The following SNX29 variants were observed in gnomAD, a reference collection of about 807,000 sequenced individuals.
SNX29 encodes the protein sorting nexin-29.
SNX29 carries 78 observed loss-of-function variants against 102.1 expected under a neutral mutation model. That is an observed-to-expected ratio of 0.76 (90% CI 0.64 to 0.92). SNX29 has a LOEUF of 0.92. Among genes scored for constraint, SNX29 ranks in the 40% least tolerant of loss-of-function variants. SNX29 has a pLI of 0.00. For missense variants in SNX29, 1,280 were observed against 1,061.7 expected (o/e 1.21, Z -2.86); for synonymous variants, 580 against 414.5 (o/e 1.40, Z -4.85).
At chr16:12,515,397 A>G in intron 19 of SNX29, 1 of 418,390 alleles carries the variant, frequency 2.4e-6, no homozygotes, top group Non-Finnish European at 4.8e-6. Flanking sequence ...ATGTGACTGG[A>G]GAGCTGAATG....
At chr16:12,211,024 G>A (rs1049927046) in intron 14 of SNX29, among the ~76,000 whole-genome samples, 1 of 152,122 alleles carries the variant, frequency 6.6e-6, no homozygotes, top group African/African-American at 2.4e-5. Context: ...TGCAGAGTGA[G>A]GCTTCATAAG....
At chr16:12,555,588 G>GGAT (rs1567191035) in intron 20 of SNX29, among the ~76,000 whole-genome samples, 4 of 151,756 alleles carry the variant, frequency 2.6e-5, no homozygotes, top group Admixed American at 2.0e-4. Context: ...ATTTCTCCCT[G>GGAT]TACCCAGCAG....
intron 20 of SNX29, among the ~76,000 whole-genome samples, chr16:12,537,280 T>G (rs974573678): frequency 6.6e-6 from 1 of 152,212 alleles, no homozygotes; most frequent in African/African-American, 2.4e-5. Context: ...GGAAACTGGT[T>G]AGTGTGGTAC....
chr16:12,234,084 G>A (rs2077850817), intron 14 of SNX29, among the ~76,000 whole-genome samples: 1 of 152,154 alleles, frequency 6.6e-6, no homozygotes, highest in Admixed American at 6.5e-5. Context: ...TTGTGTGGAC[G>A]TGTTTTTCAT....
intron 15 of SNX29, among the ~76,000 whole-genome samples, chr16:12,329,631 T>G (rs989841129): frequency 6.6e-6 from 1 of 151,738 alleles, no homozygotes; most frequent in African/African-American, 2.4e-5. Context: ...TAAACAGGAG[T>G]GTGTATTACC....
At chr16:12,343,337 T>C (rs928545539) in intron 15 of SNX29, among the ~76,000 whole-genome samples, 4 of 152,206 alleles carry the variant, frequency 2.6e-5, no homozygotes, top group Non-Finnish European at 4.4e-5. Context: ...AGCTTCACGG[T>C]ACTAAATAAC....
At chr16:12,393,777 T>A (rs1343666356) in intron 16 of SNX29, among the ~76,000 whole-genome samples, 1 of 152,242 alleles carries the variant, frequency 6.6e-6, no homozygotes, top group Non-Finnish European at 1.5e-5. Context: ...GTTTGAAGAT[T>A]AACTGTGAGA....
chr16:12,509,097 A>G (rs1597661358), intron 19 of SNX29, among the ~76,000 whole-genome samples: 1 of 152,206 alleles, frequency 6.6e-6, no homozygotes, highest in East Asian at 1.9e-4. Flanking sequence ...CTCTGCAGTG[A>G]AGAATTTATG....
chr16:12,568,721 C>T lies in SNX29; in HGVS notation c.*92C>T. 1.3e-6 allele frequency: 2 copies of T among 1,516,522 alleles called. No homozygotes were observed. The highest frequency in any genetic ancestry group is 2.8e-5 in the African/African-American group (2 of 72,654). 93.9% of individuals were successfully genotyped at this position (1,516,522 alleles called of 1,614,324 possible). A position where few individuals can be genotyped will look rare whatever the true frequency, so the allele number is the denominator to read the frequency against. ...CTGGCCCCTCACCTCAGCGTGACAA[C>T]CACGTCCACCTGGTGATCCTGAGAG... On this transcript the variant is annotated 3_prime_UTR_variant, in exon 21 of 21. Transcript: ENST00000566228.
chr16:12,051,189 T>A (rs991007266), intron 7 of SNX29, among the ~76,000 whole-genome samples: 4 of 151,978 alleles, frequency 2.6e-5, no homozygotes, highest in Non-Finnish European at 5.9e-5. Context: ...ATTAGCTGGG[T>A]GTTGTGGCAT....
At chr16:12,349,588 T>C (rs1452511558) in intron 15 of SNX29, among the ~76,000 whole-genome samples, 3 of 152,236 alleles carry the variant, frequency 2.0e-5, no homozygotes, top group Non-Finnish European at 4.4e-5. Context: ...ATGCTCATCC[T>C]GTAAGTATAA....
intron 14 of SNX29, among the ~76,000 whole-genome samples, chr16:12,205,783 C>T (rs1337461899): frequency 6.6e-6 from 1 of 152,248 alleles, no homozygotes; most frequent in Admixed American, 6.5e-5. Context: ...CTTGTTTCTT[C>T]CCGGTGTTCC....
intron 1 of SNX29, among the ~76,000 whole-genome samples, chr16:11,980,948 CTTTTCA>C (rs1269222334): frequency 1.3e-5 from 2 of 150,458 alleles, no homozygotes; most frequent in Non-Finnish European, 3.0e-5. Flanking sequence ...CATGGTTTGT[CTTTTCA>C]TTTTCATTTT....
chr16:12,403,941 G>A (rs1374589495), intron 18 of SNX29, among the ~76,000 whole-genome samples: 1 of 152,154 alleles, frequency 6.6e-6, no homozygotes, highest in African/African-American at 2.4e-5. Context: ...TCCGTGGGTT[G>A]ACAGGATGAC....
At chr16:12,499,245 T>C (rs147083791) in intron 19 of SNX29, among the ~76,000 whole-genome samples, 1 of 152,344 alleles carries the variant, frequency 6.6e-6, no homozygotes, top group African/African-American at 2.4e-5. Flanking sequence ...AGGCAGGTCA[T>C]GCATTTCACA....
At position 12,125,937 on chromosome 16, in the gene SNX29, A is replaced by G. The variant is rs2054197044; in HGVS notation, c.1403-696A>G. On this transcript the variant is annotated intron_variant, in intron 11 of 20. Transcript: ENST00000566228. ...CCCATGCCTGCAAGGCCCAGAACCC[A>G]GATACCTGCTCTTCCAAATGCCACA... 2.0e-5 allele frequency among the ~76,000 whole-genome samples: 3 copies of G among 152,236 alleles called. No individual in the cohort carries two copies. In the South Asian group the frequency reaches 6.2e-4, roughly 32 times the overall value.
intron 15 of SNX29, among the ~76,000 whole-genome samples, chr16:12,352,050 G>C (rs1287841874): frequency 6.6e-6 from 1 of 152,072 alleles, no homozygotes; most frequent in Non-Finnish European, 1.5e-5. Context: ...CAGGATTTCT[G>C]CCCAGCCATG....
intron 3 of SNX29, among the ~76,000 whole-genome samples, chr16:12,026,921 T>C (rs2057206638): frequency 6.6e-6 from 1 of 152,192 alleles, no homozygotes; most frequent in Admixed American, 6.6e-5. Context: ...TTAAACTACA[T>C]GTAATATGAA....
At chr16:12,255,634 G>T (rs944270799) in intron 14 of SNX29, among the ~76,000 whole-genome samples, 1 of 152,032 alleles carries the variant, frequency 6.6e-6, no homozygotes, top group Admixed American at 6.5e-5. Flanking sequence ...GTGGTATTTT[G>T]TCTTTGTGTG....
Sources: gnomAD v4.1 joint callset for allele counts (sites outside exome capture counted in the v4.1 genomes callset) on GRCh38, gnomAD v4.1.1 for gene constraint, MANE v1.5 for transcripts, NCBI Gene and HGNC (gene_info 2026-07-23, HGNC 2026-07-21) for gene names.